The following LRP1B variants were observed in gnomAD, a reference collection of about 807,000 sequenced individuals.
LRP1B encodes low-density lipoprotein receptor-related protein 1B.
In LRP1B, 217 loss-of-function variants were observed where a neutral mutation model predicts 556.6. The ratio of observed to expected loss-of-function variants is 0.39; its 90% CI spans 0.35 to 0.44. The LOEUF is 0.44. Ranked by LOEUF, LRP1B falls within the 20% of genes least tolerant of loss-of-function variation. The pLI is 1.00. For missense variants in LRP1B, 5,053 were observed against 5,620.8 expected (o/e 0.90, Z 3.23); for synonymous variants, 2,047 against 1,865.8 (o/e 1.10, Z -2.50).
intron 84 of LRP1B, among the ~76,000 whole-genome samples, chr2:140,286,038 T>A (rs1332311181): frequency 6.6e-6 from 1 of 151,902 alleles, no homozygotes; most frequent in South Asian, 2.1e-4. Context: ...GTTTGCATAT[T>A]CTTTATAAAT....
intron 37 of LRP1B, among the ~76,000 whole-genome samples, chr2:140,709,480 A>AGAGGAG (rs548380469): frequency 6.6e-6 from 1 of 151,106 alleles, no homozygotes; most frequent in Non-Finnish European, 1.5e-5. Flanking sequence ...AGGAAGAGGA[A>AGAGGAG]GAGGAGGAGG....
intron 66 of LRP1B, among the ~76,000 whole-genome samples, chr2:140,396,852 C>T (rs1684278582): frequency 6.6e-6 from 1 of 152,052 alleles, no homozygotes; most frequent in African/African-American, 2.4e-5. Flanking sequence ...AGTGATTTAG[C>T]GGTGATTTCT....
intron 3 of LRP1B, among the ~76,000 whole-genome samples, chr2:141,271,576 A>G (rs1191145867): frequency 1.3e-5 from 2 of 151,924 alleles, no homozygotes; most frequent in Non-Finnish European, 2.9e-5. Context: ...AGGCAGTTGG[A>G]TAATATATTC....
At chr2:140,353,604 A>C (rs760573004) in intron 75 of LRP1B, among the ~76,000 whole-genome samples, 7 of 152,044 alleles carry the variant, frequency 4.6e-5, no homozygotes, top group Non-Finnish European at 8.8e-5. Context: ...TCATCTTTCA[A>C]GATCCACCTG....
chr2:142,036,439 TTTA>T (rs1703881040), intron 1 of LRP1B, among the ~76,000 whole-genome samples: 1 of 151,722 alleles, frequency 6.6e-6, no homozygotes, highest in Non-Finnish European at 1.5e-5. Flanking sequence ...TAATATTAGA[TTTA>T]TTGATCTCTC....
chr2:140,257,823 C>T (rs79688021), intron 86 of LRP1B, among the ~76,000 whole-genome samples: 1,985 of 152,224 alleles, frequency 0.013, 23 homozygotes, highest in Non-Finnish European at 0.021. Context: ...ATATCCCTGC[C>T]GAAAAGTTGT....
chr2:141,856,712 A>G (rs565692291), intron 1 of LRP1B, among the ~76,000 whole-genome samples: 2 of 152,288 alleles, frequency 1.3e-5, no homozygotes, highest in East Asian at 1.9e-4. Context: ...AATGTATCTT[A>G]TTACACAATG....
At chr2:141,227,553 T>C (rs1303820669) in intron 6 of LRP1B, among the ~76,000 whole-genome samples, 1 of 152,218 alleles carries the variant, frequency 6.6e-6, no homozygotes, top group Non-Finnish European at 1.5e-5. Flanking sequence ...CATTTCTCCA[T>C]AGAATTCTTG....
chr2:140,278,712 T>C lies in LRP1B; in HGVS notation c.12968-4114A>G, dbSNP rs548142371. Among the ~76,000 whole-genome samples the C allele has an allele frequency of 3.5e-4, 54 of 152,168 alleles. 1 individual carries two copies. Among genetic ancestry groups the C allele is most frequent in the African/African-American group, 1.3e-3 (52 of 41,562 alleles). On this transcript the variant is annotated intron_variant, in intron 84 of 90. Coordinates refer to ENST00000389484, the MANE Select transcript of LRP1B (RefSeq NM_018557.3). ...CTTTAATAAATAATTCTAAATTGCA[T>C]GTTTTTAAGCCATGCCATTTTTTCC...
chr2:141,326,354 A>G (rs1212575949), intron 3 of LRP1B, among the ~76,000 whole-genome samples: 7 of 152,118 alleles, frequency 4.6e-5, no homozygotes, highest in African/African-American at 1.4e-4. Context: ...GTTAATAAGT[A>G]TAAGTTAACT....
rs560262497 is a variant in LRP1B at position 140,354,572 on chromosome 2, G to A, written c.11531-1500C>T. Among the ~76,000 whole-genome samples, 4 of 152,100 alleles carry A rather than the reference G, an allele frequency of 2.6e-5. No individual in the cohort carries two copies. In the East Asian group the frequency reaches 7.8e-4, roughly 29 times the overall value. ...GTTCAGCCCCTGTAACTTTGAACCGGCAGTTATTTGTCACTATGGTTTCCC... is the reference window on the plus strand; with the variant it reads ...GTTCAGCCCCTGTAACTTTGAACCGACAGTTATTTGTCACTATGGTTTCCC... On this transcript the variant is annotated intron_variant, in intron 75 of 90. Coordinates refer to ENST00000389484, the MANE Select transcript of LRP1B (RefSeq NM_018557.3).
chr2:142,128,400 T>C (rs1392668085), intron 1 of LRP1B, among the ~76,000 whole-genome samples: 1 of 152,222 alleles, frequency 6.6e-6, no homozygotes, highest in Non-Finnish European at 1.5e-5. Context: ...TCAAGGACGA[T>C]TGACATAAGC....
chr2:140,950,238 C>T lies in LRP1B; in HGVS notation c.3133G>A (p.Glu1045Lys), dbSNP rs1239960265. The T allele has an allele frequency of 2.5e-6, 4 of 1,577,552 alleles. No individual in the cohort carries two copies. The highest frequency in any genetic ancestry group is 2.3e-5 in the East Asian group (1 of 44,326). Residue 1045 changes from glutamate to lysine, a missense_variant, in exon 20 of 91, where the codon GAA becomes AAA. Transcript: ENST00000389484. The stretch of plus-strand genomic sequence containing the variant: ...ATTAATTTATAAAATTACTAACCTT[C>T]TTTAGTACAATTGATCTGGGCTTCA... ...SDEAQINCTK[E>K]EIHSPAGCNG...
intron 1 of LRP1B, among the ~76,000 whole-genome samples, chr2:141,841,415 T>A (rs1232658686): frequency 6.6e-6 from 1 of 152,124 alleles, no homozygotes; most frequent in African/African-American, 2.4e-5. Flanking sequence ...CAAAATTGAG[T>A]GTTAAAATGG....
intron 3 of LRP1B, among the ~76,000 whole-genome samples, chr2:141,435,209 G>A (rs748945195): frequency 3.3e-5 from 5 of 152,040 alleles, no homozygotes; most frequent in African/African-American, 4.8e-5. Context: ...TTGTTTTTTG[G>A]TCAGAGGTTG....
intron 43 of LRP1B, among the ~76,000 whole-genome samples, chr2:140,546,737 T>G (rs1410777070): frequency 6.6e-6 from 1 of 152,176 alleles, no homozygotes; most frequent in Admixed American, 6.6e-5. Context: ...ACTTGCCTTG[T>G]GCTGATTTTC....
chr2:141,990,366 G>A (rs1702310394), intron 1 of LRP1B, among the ~76,000 whole-genome samples: 1 of 151,942 alleles, frequency 6.6e-6, no homozygotes, highest in Non-Finnish European at 1.5e-5. Flanking sequence ...ATGATATGAA[G>A]CATCTCTACA....
At chr2:140,336,681 AT>A (rs1467950314) in intron 77 of LRP1B, among the ~76,000 whole-genome samples, 1 of 151,894 alleles carries the variant, frequency 6.6e-6, no homozygotes, top group African/African-American at 2.4e-5. Flanking sequence ...AATATCTGTT[AT>A]TTATCTTACA....
chr2:142,077,616 G>A (rs940371064), intron 1 of LRP1B, among the ~76,000 whole-genome samples: 4 of 152,090 alleles, frequency 2.6e-5, no homozygotes, highest in Non-Finnish European at 5.9e-5. Context: ...TAAGGTAACA[G>A]TGTTATTATT....
Sources: gnomAD v4.1 joint callset for allele counts (sites outside exome capture counted in the v4.1 genomes callset) on GRCh38, gnomAD v4.1.1 for gene constraint, MANE v1.5 for transcripts, NCBI Gene and HGNC (gene_info 2026-07-23, HGNC 2026-07-21) for gene names.